Variants in DACH2 observed in about 807,000 individuals in gnomAD.
DACH2 encodes the protein dachshund family transcription factor 2, also known as dachshund homolog 2.
Under a neutral mutation model 35.8 loss-of-function variants are expected in DACH2, and 17 were observed. That is an observed-to-expected ratio of 0.48 (90% confidence interval 0.33 to 0.71). DACH2 has a LOEUF of 0.71. Among genes scored for constraint, DACH2 ranks in the 30% least tolerant of loss-of-function variants. DACH2 has a pLI of 0.02. For missense variants in DACH2, 469 were observed against 472.7 expected, an observed-to-expected ratio of 0.99 and a Z score of 0.07; for synonymous variants, 195 against 177.3, an observed-to-expected ratio of 1.10 and a Z score of -0.79.
chrX:86,752,554 G>C (rs1272081347), intron 7 of DACH2, among the ~76,000 whole-genome samples: 1 of 111,684 alleles, frequency 9.0e-6, no homozygotes, highest in Non-Finnish European at 1.9e-5. Context: ...TCAACAAACA[G>C]ATTTTAAAGA....
chrX:86,469,353 G>A (rs1454952193), intron 2 of DACH2, among the ~76,000 whole-genome samples: 1 of 110,925 alleles, frequency 9.0e-6, no homozygotes, highest in Non-Finnish European at 1.9e-5. Context: ...GATTTTAAGT[G>A]TTCTCACCAC....
At chrX:86,408,206 A>T (rs1032691217) in intron 2 of DACH2, among the ~76,000 whole-genome samples, 2 of 111,994 alleles carry the variant, frequency 1.8e-5, no homozygotes, top group East Asian at 5.6e-4. Context: ...AATACAGTAT[A>T]ACCAGATTTG....
rs145652014 is a variant in DACH2, at chrX:86,209,743, A to G, written c.488+60635A>G. ...GGAGCTGGCCTCCTACCACTTGTGTATCATGGTCCAGCAACTCAATGCTTT... is the reference window on the plus strand; with the variant it reads ...GGAGCTGGCCTCCTACCACTTGTGTGTCATGGTCCAGCAACTCAATGCTTT... On this transcript the variant is annotated intron_variant, in intron 1 of 11. Coordinates refer to ENST00000373125, the MANE Select transcript of DACH2 (RefSeq NM_053281.3). 5.5e-3 allele frequency among the ~76,000 whole-genome samples: 615 copies of G among 111,370 alleles called. 2 individuals are homozygous for G. The highest frequency in any genetic ancestry group is 9.1e-3 in the Non-Finnish European group (479 of 52,927).
At chrX:86,207,975 C>A (rs1292820607) in intron 1 of DACH2, among the ~76,000 whole-genome samples, 1 of 110,557 alleles carries the variant, frequency 9.0e-6, no homozygotes, top group Non-Finnish European at 1.9e-5. Context: ...TCCATTACTT[C>A]ATAGAGGCCC....
At chrX:86,204,699 C>T (rs1397430912) in intron 1 of DACH2, among the ~76,000 whole-genome samples, 1 of 112,006 alleles carries the variant, frequency 8.9e-6, no homozygotes, top group Non-Finnish European at 1.9e-5. Flanking sequence ...TTAATTTTTA[C>T]TATTTTTTGA....
chrX:86,267,101 T>C (rs1305337103), intron 1 of DACH2, among the ~76,000 whole-genome samples: 1 of 112,275 alleles, frequency 8.9e-6, no homozygotes. Context: ...ATGCTGTTGA[T>C]TTGTAATAGT....
chrX:86,282,626 G>A (rs750762782), intron 1 of DACH2, among the ~76,000 whole-genome samples: 6 of 110,854 alleles, frequency 5.4e-5, no homozygotes, highest in Non-Finnish European at 1.1e-4. Flanking sequence ...GAGTGAACAG[G>A]CAACCTACAG....
chrX:86,294,882 G>A (rs2034408819), intron 1 of DACH2, among the ~76,000 whole-genome samples: 1 of 109,806 alleles, frequency 9.1e-6, no homozygotes, highest in Non-Finnish European at 1.9e-5. Flanking sequence ...TTGTTTGTCT[G>A]TGCCCTGCCC....
At chrX:86,576,054 C>T (rs2039431620) in intron 3 of DACH2, among the ~76,000 whole-genome samples, 1 of 112,223 alleles carries the variant, frequency 8.9e-6, no homozygotes, top group Non-Finnish European at 1.9e-5. Context: ...CTTTCTTCAT[C>T]CATTCATTCA....
intron 6 of DACH2, among the ~76,000 whole-genome samples, chrX:86,738,329 C>T (rs1011854082): frequency 3.6e-5 from 4 of 111,645 alleles, no homozygotes; most frequent in Non-Finnish European, 5.6e-5. Flanking sequence ...AACTCTCATG[C>T]TATTACTTTT....
At chrX:86,313,871 T>C (rs760583008) in intron 1 of DACH2, among the ~76,000 whole-genome samples, 3 of 111,900 alleles carry the variant, frequency 2.7e-5, no homozygotes, top group South Asian at 7.5e-4. Context: ...ATATTTCTTA[T>C]AGCATGTGCT....
chrX:86,543,097 G>A (rs1410132158), intron 3 of DACH2, among the ~76,000 whole-genome samples: 3 of 111,390 alleles, frequency 2.7e-5, no homozygotes, highest in Non-Finnish European at 5.7e-5. Flanking sequence ...TAAGACTGGT[G>A]CGCTCAGAGT....
At chrX:86,783,774 T>A (rs2042111002) in intron 7 of DACH2, among the ~76,000 whole-genome samples, 1 of 111,040 alleles carries the variant, frequency 9.0e-6, no homozygotes, top group Non-Finnish European at 1.9e-5. Context: ...ATTTTGGGGA[T>A]CTAAAGATCA....
At chrX:86,585,661 G>A (rs2039561103) in intron 3 of DACH2, among the ~76,000 whole-genome samples, 1 of 110,859 alleles carries the variant, frequency 9.0e-6, no homozygotes, top group Non-Finnish European at 1.9e-5. Context: ...AATGTGTGGT[G>A]GTATTCAATT....
intron 1 of DACH2, among the ~76,000 whole-genome samples, chrX:86,174,320 T>A (rs1316570948): frequency 1.8e-5 from 2 of 109,797 alleles, no homozygotes; most frequent in Non-Finnish European, 3.8e-5. Flanking sequence ...GAGACCTGAG[T>A]CTCACTATGT....
rs181737470 is a variant in DACH2, at chrX:86,308,712, C to A, written c.489-68112C>A. On this transcript the variant is annotated intron_variant, in intron 1 of 11. Transcript: ENST00000373125. ...CATCTTTCCCCAAGGAGACCACTGG[C>A]CTTTTACCAGGGTAACTGTGCACTG... is the stretch of plus-strand genomic sequence containing the variant. 1.2e-4 allele frequency among the ~76,000 whole-genome samples: 13 copies of A among 111,519 alleles called. No individual in the cohort carries two copies. The East Asian group carries it at 3.4e-3, about 29-fold the overall frequency.
intron 5 of DACH2, among the ~76,000 whole-genome samples, chrX:86,704,847 TAA>T (rs2041191737): frequency 9.1e-6 from 1 of 110,130 alleles, no homozygotes; most frequent in Non-Finnish European, 1.9e-5. Context: ...GGAGATTCCT[TAA>T]AGAACTAAAA....
intron 4 of DACH2, among the ~76,000 whole-genome samples, chrX:86,653,157 C>T (rs1422391309): frequency 8.9e-6 from 1 of 111,970 alleles, no homozygotes; most frequent in Non-Finnish European, 1.9e-5. Flanking sequence ...TACAGCTAGC[C>T]AGTTATCCCA....
intron 7 of DACH2, among the ~76,000 whole-genome samples, chrX:86,765,697 G>GTTTTTT (rs2041925172): frequency 6.0e-4 from 21 of 35,199 alleles, no homozygotes; most frequent in East Asian, 2.0e-3. Flanking sequence ...GTTGTTTTTT[G>GTTTTTT]GTTTTTTTTT....
Sources: gnomAD v4.1 joint callset for allele counts (sites outside exome capture counted in the v4.1 genomes callset) on GRCh38, gnomAD v4.1.1 for gene constraint, MANE v1.5 for transcripts, NCBI Gene and HGNC (gene_info 2026-07-23, HGNC 2026-07-21) for gene names.